The following MCC variants were observed in gnomAD, a reference collection of about 807,000 sequenced individuals.
The protein encoded by MCC is MCC regulator of Wnt signaling pathway.
MCC carries 90 observed loss-of-function variants against 116.2 expected under a neutral mutation model. The ratio of observed to expected loss-of-function variants is 0.77; its 90% CI spans 0.65 to 0.92. The LOEUF (loss-of-function observed/expected upper bound fraction) is 0.92. Ranked by LOEUF, MCC falls within the 40% of genes least tolerant of loss-of-function variation. MCC has a pLI of 0.00. For synonymous variants in MCC, 578 were observed against 510.5 expected (o/e 1.13, Z -1.78); for missense variants, 1,516 against 1,312.2 (o/e 1.16, Z -2.40).
At chr5:113,322,134 T>C (rs1030577107) in intron 3 of MCC, among the ~76,000 whole-genome samples, 5 of 152,174 alleles carry the variant, frequency 3.3e-5, no homozygotes, top group Admixed American at 6.5e-5. Context: ...ACCTGGCCCA[T>C]GATTTGTATT....
intron 3 of MCC, among the ~76,000 whole-genome samples, chr5:113,153,652 T>A (rs906176603): frequency 2.0e-5 from 3 of 152,252 alleles, no homozygotes; most frequent in African/African-American, 4.8e-5. Context: ...CAGAGATGAG[T>A]TTGGGATGCA....
intron 3 of MCC, among the ~76,000 whole-genome samples, chr5:113,282,886 C>G (rs1250344115): frequency 1.3e-5 from 2 of 152,158 alleles, no homozygotes; most frequent in Non-Finnish European, 2.9e-5. Flanking sequence ...TTTCCACAAG[C>G]CCCTCTTGCT....
intron 1 of MCC, among the ~76,000 whole-genome samples, chr5:113,406,589 A>T (rs1769840263): frequency 6.6e-6 from 1 of 152,256 alleles, no homozygotes; most frequent in South Asian, 2.1e-4. Context: ...TATACTCACT[A>T]GTGAAAGTAT....
At chr5:113,198,596 C>T (rs1331441675) in intron 3 of MCC, among the ~76,000 whole-genome samples, 6 of 149,684 alleles carry the variant, frequency 4.0e-5, no homozygotes, top group African/African-American at 7.4e-5. Flanking sequence ...CCCAGCTACT[C>T]GGCAGGTTGA....
At chr5:113,314,892 T>C (rs960903583) in intron 3 of MCC, among the ~76,000 whole-genome samples, 20 of 152,184 alleles carry the variant, frequency 1.3e-4, no homozygotes, top group Admixed American at 2.6e-4. Flanking sequence ...CCAGCCTCCA[T>C]TGGGTCATAA....
At chr5:113,218,662 T>G (rs1029263570) in intron 3 of MCC, among the ~76,000 whole-genome samples, 1 of 152,210 alleles carries the variant, frequency 6.6e-6, no homozygotes, top group Non-Finnish European at 1.5e-5. Flanking sequence ...AGCTGTTTTT[T>G]CACATTACAA....
intron 3 of MCC, among the ~76,000 whole-genome samples, chr5:113,185,566 G>A (rs1357162047): frequency 6.6e-6 from 1 of 152,184 alleles, no homozygotes; most frequent in East Asian, 1.9e-4. Flanking sequence ...ATATCAGCAA[G>A]AACTGACAGC....
chr5:113,153,961 T>C (rs1760030178), intron 3 of MCC, among the ~76,000 whole-genome samples: 1 of 152,284 alleles, frequency 6.6e-6, no homozygotes, highest in Non-Finnish European at 1.5e-5. Flanking sequence ...TCTCTGGTAT[T>C]GTACATGACA....
intron 1 of MCC, among the ~76,000 whole-genome samples, chr5:113,388,879 T>C (rs1033113585): frequency 1.4e-4 from 21 of 152,198 alleles, no homozygotes; most frequent in African/African-American, 4.3e-4. Flanking sequence ...CAAATCGGTC[T>C]GATTCTAGAG....
chr5:113,475,735 G>A (rs530555953), intron 1 of MCC, among the ~76,000 whole-genome samples: 13 of 152,240 alleles, frequency 8.5e-5, no homozygotes, highest in African/African-American at 3.1e-4. Context: ...CATTCCTACT[G>A]ATGCTAAGAA....
At position 113,047,915 on chromosome 5, in the gene MCC, T is replaced by C. The variant is rs190889445; in HGVS notation, c.2655+1178A>G. On this transcript the variant is annotated intron_variant, in intron 16 of 18. Coordinates refer to ENST00000408903, the MANE Select transcript of MCC (RefSeq NM_001085377.2). ...CACCAGACAGCCTGCTTTCAGATGA[T>C]GTGGACTTCGTAACCCAAGGCTTCC... 6.6e-5 allele frequency among the ~76,000 whole-genome samples: 10 copies of C among 152,150 alleles called. No homozygotes were observed. In the East Asian group the frequency reaches 1.7e-3, roughly 26 times the overall value.
Position 113,046,710 on chromosome 5 carries a change from A to AAAAAAAAAAAAGAG in MCC, c.2655+2382_2655+2383insCTCTTTTTTTTTTT. Reference sequence around the variant, plus strand: ...CAAAAAAAAAAAAAAAAAAAAAAAAAAGAGAGAGATTTTGAAGGTGTTTGT... The same window carrying AAAAAAAAAAAAGAG: ...CAAAAAAAAAAAAAAAAAAAAAAAAAAAAAAAAAAAAGAGAGAGAGAGATTTTGAAGGTGTTTGT... On this transcript the variant is annotated intron_variant, in intron 16 of 18. Transcript: ENST00000408903. Among the ~76,000 whole-genome samples the AAAAAAAAAAAAGAG allele has an allele frequency of 1.1e-4, 11 of 102,410 alleles. 1 individual carries two copies. In the South Asian group the frequency reaches 1.8e-3, roughly 16 times the overall value. The allele number at this position is 102,410 out of a possible 152,430, so 67.2% of individuals were successfully genotyped here.
intron 1 of MCC, among the ~76,000 whole-genome samples, chr5:113,427,178 C>A (rs545889326): frequency 1.1e-4 from 16 of 152,114 alleles, no homozygotes; most frequent in Non-Finnish European, 2.1e-4. Context: ...TTGAATGTAT[C>A]ATATAAAGGA....
At chr5:113,069,589 G>A (rs1271304417) in intron 12 of MCC, among the ~76,000 whole-genome samples, 1 of 152,100 alleles carries the variant, frequency 6.6e-6, no homozygotes, top group Non-Finnish European at 1.5e-5. Context: ...TTTTCTTTGA[G>A]ACGGAGTCTC....
intron 3 of MCC, among the ~76,000 whole-genome samples, chr5:113,248,185 G>A (rs535426894): frequency 6.8e-4 from 101 of 149,418 alleles, no homozygotes; most frequent in Non-Finnish European, 1.1e-3. Context: ...AGCTATAATT[G>A]TGCCACTGCA....
chr5:113,384,830 A>G, intron 2 of MCC, 138 bp downstream of exon 2: 1 of 900,312 alleles, frequency 1.1e-6, no homozygotes, highest in South Asian at 1.7e-5. Context: ...GCACTCCCCC[A>G]GGGAAAGTGT....
chr5:113,309,635 C>T (rs778092141), intron 3 of MCC, among the ~76,000 whole-genome samples: 11 of 152,174 alleles, frequency 7.2e-5, no homozygotes, highest in Admixed American at 2.0e-4. Flanking sequence ...TCTGTTGATG[C>T]GCACTTAGGT....
chr5:113,069,499 T>G (rs1272944776), intron 12 of MCC, among the ~76,000 whole-genome samples: 1 of 152,260 alleles, frequency 6.6e-6, no homozygotes, highest in Admixed American at 6.5e-5. Flanking sequence ...AGAAAGTAAC[T>G]GTCTAGCTTC....
At chr5:113,057,851 A>C (rs747214592) in intron 14 of MCC, among the ~76,000 whole-genome samples, 28 of 152,238 alleles carry the variant, frequency 1.8e-4, no homozygotes, top group Non-Finnish European at 3.4e-4. Context: ...AAGTACTGGC[A>C]CTGTTTGCAA....
Sources: allele counts gnomAD v4.1 joint callset (sites outside exome capture counted in the v4.1 genomes callset), GRCh38; gene constraint gnomAD v4.1.1; transcripts MANE v1.5; gene names NCBI Gene and HGNC (gene_info 2026-07-23, HGNC 2026-07-21).